Variants in CASZ1 observed in about 807,000 individuals in gnomAD.
CASZ1 encodes zinc finger protein castor homolog 1.
In CASZ1, 28 loss-of-function variants were observed where a neutral mutation model predicts 135.2. The observed-to-expected ratio is 0.21, with a 90% CI of 0.15 to 0.28. The LOEUF (loss-of-function observed/expected upper bound fraction) is 0.28. CASZ1 is among the 10% of genes least tolerant of loss of function. The probability of loss-of-function intolerance (pLI) is 1.00; values close to 1 mark genes in which losing one functional copy is unlikely to be tolerated. For synonymous variants in CASZ1, 1,068 were observed against 1,073.4 expected (o/e 0.99, Z 0.10); for missense variants, 2,161 against 2,453.3 (o/e 0.88, Z 2.52).
At chr1:10,705,843 C>T (rs935997496) in intron 2 of CASZ1, among the ~76,000 whole-genome samples, 6 of 152,250 alleles carry the variant, frequency 3.9e-5, no homozygotes, top group Admixed American at 1.3e-4. Flanking sequence ...TCAGCCGTGC[C>T]GTGCACACTG....
chr1:10,738,721 G>GA (rs1372955383), intron 2 of CASZ1, among the ~76,000 whole-genome samples: 2 of 152,164 alleles, frequency 1.3e-5, no homozygotes, highest in Non-Finnish European at 2.9e-5. Flanking sequence ...CACAGGGAGA[G>GA]GGGGAGGAGA....
intron 4 of CASZ1, among the ~76,000 whole-genome samples, chr1:10,687,036 G>A (rs1381810037): frequency 6.6e-6 from 1 of 152,184 alleles, no homozygotes; most frequent in Non-Finnish European, 1.5e-5. Flanking sequence ...CAGCTGCAGG[G>A]AAGAGGCACT....
At chr1:10,693,757 A>AC in intron 4 of CASZ1, 117 bp downstream of exon 4, 5 of 496,394 alleles carry the variant, frequency 1.0e-5, no homozygotes, top group Non-Finnish European at 2.0e-5. Context: ...CAGCCGCCCG[A>AC]CCCTCCCGGC....
intron 7 of CASZ1, 64 bp from the exon 8 acceptor site, chr1:10,656,800 C>T: frequency 2.7e-6 from 3 of 1,093,860 alleles, no homozygotes; most frequent in South Asian, 1.3e-5. Flanking sequence ...CCAGCCCCAG[C>T]CCCAGCCCCA....
intron 3 of CASZ1, among the ~76,000 whole-genome samples, chr1:10,705,154 G>C (rs906099447): frequency 2.0e-5 from 3 of 152,250 alleles, no homozygotes. Flanking sequence ...AGCACTGTGA[G>C]AGCGGGCACC....
In CASZ1 at chr1:10,679,759, T is replaced by TGTCACCACAGG. The variant is rs1638352123; in HGVS notation, c.16+14104_16+14114dup. On this transcript the variant is annotated intron_variant, in intron 4 of 20. Coordinates refer to ENST00000377022, the MANE Select transcript of CASZ1 (RefSeq NM_001079843.3). This position sits in a 1 kb window ranked among gnomAD's most constrained non-coding sequence, Gnocchi z 4.7. ...AGGTTTTCCATACTACAACCCCGAG[T>TGTCACCACAGG]GTCACCACAGGGTCCGGCCCAACCT... is the stretch of plus-strand genomic sequence containing the variant. Among the ~76,000 whole-genome samples the TGTCACCACAGG allele has an allele frequency of 1.3e-5, 2 of 152,122 alleles. No homozygotes were observed. The highest frequency in any genetic ancestry group is 4.1e-4 in the South Asian group (2 of 4,822).
rs977647541 is a variant in CASZ1 at position 10,747,036 on chromosome 1, G to A, written c.-77+13665C>T. ...CTCCCCTCATAGCCCCCGCTAACCA[G>A]GAGTGGACGCCCAGAAGTCCATGGA... On this transcript the variant is annotated intron_variant, in intron 2 of 20. Transcript: ENST00000377022. The surrounding 1 kb of genome is among the most constrained non-coding windows in gnomAD (Gnocchi z 4.3). Among the ~76,000 whole-genome samples, 1 of 152,254 alleles carries A rather than the reference G, an allele frequency of 6.6e-6. No homozygotes were observed. The highest frequency in any genetic ancestry group is 6.5e-5 in the Admixed American group (1 of 15,288).
chr1:10,674,332 G>A lies in CASZ1; in HGVS notation c.17-8761C>T, dbSNP rs146968632. Among the ~76,000 whole-genome samples, 106 of 152,358 alleles carry A rather than the reference G, an allele frequency of 7.0e-4. 2 individuals are homozygous for A. In the East Asian group the frequency reaches 0.017, roughly 25 times the overall value. On this transcript the variant is annotated intron_variant, in intron 4 of 20. Coordinates refer to ENST00000377022, the MANE Select transcript of CASZ1 (RefSeq NM_001079843.3). ...TGCTCCCTCTCCTGATGAAGGCAAA[G>A]AGGAACCTGAGAGATGCCCGGCCCA...
In CASZ1 at chr1:10,676,242, G is replaced by A. The variant is rs753531715; in HGVS notation, c.17-10671C>T. On this transcript the variant is annotated intron_variant, in intron 4 of 20. Transcript: ENST00000377022. The surrounding 1 kb of genome is among the most constrained non-coding windows in gnomAD (Gnocchi z 4.5). ...CACCAAGGCCCTGCTGGACTGGCCC[G>A]GACCCCCGTCCCCCATGCTGCTTCT... 3.9e-5 allele frequency among the ~76,000 whole-genome samples: 6 copies of A among 152,086 alleles called. No homozygotes were observed. The highest frequency in any genetic ancestry group is 5.9e-5 in the Non-Finnish European group (4 of 67,992).
At chr1:10,787,137 C>A (rs975086021) in intron 1 of CASZ1, among the ~76,000 whole-genome samples, 1 of 152,192 alleles carries the variant, frequency 6.6e-6, no homozygotes, top group Non-Finnish European at 1.5e-5. Flanking sequence ...GAGGGTGGTA[C>A]GGTCAGAGGC....
intron 1 of CASZ1, among the ~76,000 whole-genome samples, chr1:10,783,418 G>A (rs1023808292): frequency 3.3e-5 from 5 of 150,268 alleles, no homozygotes; most frequent in Non-Finnish European, 5.9e-5. Context: ...AGGAGGGATG[G>A]AAAGAAGAAA....
intron 18 of CASZ1, among the ~76,000 whole-genome samples, 181 bp downstream of exon 18, chr1:10,644,736 G>A (rs977080671): frequency 3.9e-5 from 6 of 152,358 alleles, no homozygotes; most frequent in African/African-American, 1.4e-4. Context: ...GGGCTTTGTG[G>A]GTTTGGACTG....
rs533590321 is a variant in CASZ1 at position 10,647,047 on chromosome 1, C to T, written c.3498-721G>A. On this transcript the variant is annotated intron_variant, in intron 16 of 20. Coordinates refer to ENST00000377022, the MANE Select transcript of CASZ1 (RefSeq NM_001079843.3). The surrounding 1 kb of genome is among the most constrained non-coding windows in gnomAD (Gnocchi z 4.9). ...CTGTAGTCCCCTCCCAGGGGACCCA[C>T]GGTGGGCACTCTGACCAGGCCAGGG... Among the ~76,000 whole-genome samples, 18 of 141,564 alleles carry T rather than the reference C, an allele frequency of 1.3e-4. No homozygotes were observed. The highest frequency in any genetic ancestry group is 9.9e-4 in the East Asian group (4 of 4,030). The allele number at this position is 141,564 out of a possible 152,430, so 92.9% of individuals were successfully genotyped here.
rs765233458 is a variant in CASZ1, at chr1:10,639,573, T to G, written c.4649A>C (p.Gln1550Pro). 2 of 1,611,554 alleles carry G rather than the reference T, an allele frequency of 1.2e-6. No individual in the cohort carries two copies. Among genetic ancestry groups the G allele is most frequent in the Non-Finnish European group, 1.7e-6 (2 of 1,179,120 alleles). ...QDVISAAGFC[Q>P]FSSSADCAVP... Reference sequence around the variant, plus strand: ...GGCGCAGTCGGCGCTGGAGCTGAACTGGCAGAAGCCCGCGGCGCTGATCAC... The same window carrying G: ...GGCGCAGTCGGCGCTGGAGCTGAACGGGCAGAAGCCCGCGGCGCTGATCAC... Residue 1550 changes from glutamine to proline, a missense_variant, in exon 21 of 21, where the codon CAG becomes CCG. Coordinates refer to ENST00000377022, the MANE Select transcript of CASZ1 (RefSeq NM_001079843.3). This position sits in a 1 kb window ranked among gnomAD's most constrained non-coding sequence, Gnocchi z 4.0.
At position 10,659,882 on chromosome 1, in the gene CASZ1, G is replaced by A. The variant is rs774757188; in HGVS notation, c.1160C>T (p.Ala387Val). ...DVRGIQKPGP[A>V]KVPPTPSLAP... ...CAGGCTGGGGGTGGGCGGAACCTTG[G>A]CGGGGCCTGGCTTCTGGATGCCCCG... Residue 387 changes from alanine to valine, a missense_variant, in exon 6 of 21, where the codon GCC becomes GTC. By Grantham distance (64) the Ala-to-Val change is moderately conservative. This residue lies in a region of CASZ1 where 590 missense variants were observed against 609.8 expected (regional missense o/e 0.97). Transcript: ENST00000377022. The A allele has an allele frequency of 6.2e-7, 1 of 1,610,894 alleles. No homozygotes were observed.
rs572865002 is a variant in CASZ1, at chr1:10,646,295, C to T, written c.3529G>A (p.Ala1177Thr). Residue 1177 changes from alanine to threonine, a missense_variant, in exon 17 of 21, where the codon GCC (alanine) becomes ACC (threonine). Transcript: ENST00000377022. The surrounding 1 kb of genome is among the most constrained non-coding windows in gnomAD (Gnocchi z 6.4). ...AGACAGTGGAAGTGGAACTTGTTGGCGTACTTGCAGTCCGTGGCGAGGCAA... is the reference window on the plus strand; with the variant it reads ...AGACAGTGGAAGTGGAACTTGTTGGTGTACTTGCAGTCCGTGGCGAGGCAA... ...DPCLATDCKYANKFHFHCLFG... is the reference protein window; with the variant it reads ...DPCLATDCKYTNKFHFHCLFG... 17 of 1,614,088 alleles carry T rather than the reference C, an allele frequency of 1.1e-5. No individual in the cohort carries two copies. The highest frequency in any genetic ancestry group is 1.7e-5 in the Admixed American group (1 of 60,016).
intron 3 of CASZ1, among the ~76,000 whole-genome samples, chr1:10,702,311 G>A (rs1639078346): frequency 6.6e-6 from 1 of 152,174 alleles, no homozygotes; most frequent in South Asian, 2.1e-4. Context: ...CTTCCAGAAG[G>A]TCCACAGAGG....
At chr1:10,769,943 G>A (rs1451057323) in intron 1 of CASZ1, among the ~76,000 whole-genome samples, 1 of 152,228 alleles carries the variant, frequency 6.6e-6, no homozygotes, top group Non-Finnish European at 1.5e-5. Flanking sequence ...GACAGATGGG[G>A]AAACTGAGGT....
chr1:10,658,145 C>CT, intron 7 of CASZ1: 1 of 243,080 alleles, frequency 4.1e-6, no homozygotes. Flanking sequence ...CCTCTACCTT[C>CT]CCAGCCCTGA....
Sources: gnomAD v4.1 joint callset for allele counts (sites outside exome capture counted in the v4.1 genomes callset) on GRCh38, gnomAD v4.1.1 for gene constraint, gnomAD v4.1.1 regional missense constraint, Gnocchi (gnomAD v3.1) non-coding constraint, MANE v1.5 for transcripts, NCBI Gene and HGNC (gene_info 2026-07-23, HGNC 2026-07-21) for gene names.